The following CNTLN variants were observed in gnomAD, a reference collection of about 807,000 sequenced individuals.
CNTLN encodes centlein, centrosomal protein.
A neutral mutation model predicts 180.0 loss-of-function variants in CNTLN; 212 were observed. That is an observed-to-expected ratio of 1.18 (90% CI 1.05 to 1.32). The LOEUF is 1.32. CNTLN is among the 40% of genes most tolerant of loss of function. CNTLN has a pLI of 0.00. For missense variants in CNTLN, 2,095 were observed against 1,610.9 expected, an observed-to-expected ratio of 1.30 and a Z score of -5.14; for synonymous variants, 722 against 563.1, an observed-to-expected ratio of 1.28 and a Z score of -3.99.
At chr9:17,380,791 T>C (rs1825184750) in intron 13 of CNTLN, among the ~76,000 whole-genome samples, 1 of 152,212 alleles carries the variant, frequency 6.6e-6, no homozygotes, top group African/African-American at 2.4e-5. Context: ...TCATAAACAA[T>C]AGCAAGCATT....
intron 2 of CNTLN, among the ~76,000 whole-genome samples, chr9:17,176,337 A>C (rs1348104055): frequency 6.6e-6 from 1 of 151,998 alleles, no homozygotes; most frequent in Non-Finnish European, 1.5e-5. Flanking sequence ...CTTGTACTGC[A>C]TCACTTGATA....
chr9:17,288,321 A>T (rs1405468131), intron 6 of CNTLN, among the ~76,000 whole-genome samples: 1 of 116,924 alleles, frequency 8.6e-6, no homozygotes, highest in Non-Finnish European at 1.7e-5. Flanking sequence ...AGCGGCTTTG[A>T]GTGAGATTCT....
At chr9:17,525,575 G>A in the CNTLN span, among the ~76,000 whole-genome samples, 2 of 152,064 alleles carry the variant, frequency 1.3e-5, no homozygotes, top group African/African-American at 4.8e-5. Flanking sequence ...AATGATCTAC[G>A]TATGTTTCTG....
intron 2 of CNTLN, among the ~76,000 whole-genome samples, chr9:17,144,291 T>G (rs527517821): frequency 1.3e-5 from 2 of 152,314 alleles, no homozygotes; most frequent in East Asian, 1.9e-4. Context: ...CTCATGTTGC[T>G]TGTACGTCTA....
At chr9:17,368,614 T>C (rs555753659) in intron 13 of CNTLN, among the ~76,000 whole-genome samples, 2 of 152,236 alleles carry the variant, frequency 1.3e-5, no homozygotes, top group South Asian at 2.1e-4. Flanking sequence ...AGGGGTGCAT[T>C]TGTCACTCCA....
intron 12 of CNTLN, among the ~76,000 whole-genome samples, chr9:17,365,412 C>T (rs528943926): frequency 4.6e-5 from 7 of 152,096 alleles, no homozygotes; most frequent in East Asian, 1.9e-4. Flanking sequence ...TTATAAATTA[C>T]GTAGTCTCAG....
At chr9:17,526,698 G>A in the CNTLN span, among the ~76,000 whole-genome samples, 5 of 152,068 alleles carry the variant, frequency 3.3e-5, no homozygotes, top group Admixed American at 6.6e-5. Context: ...CAAGTCATAC[G>A]TATATTCTCT....
intron 7 of CNTLN, among the ~76,000 whole-genome samples, chr9:17,307,064 C>T (rs761679090): frequency 6.6e-6 from 1 of 152,034 alleles, no homozygotes; most frequent in African/African-American, 2.4e-5. Context: ...TCTTTCTTGC[C>T]TCCTAGAATA....
At chr9:17,449,178 T>G (rs540139171) in intron 18 of CNTLN, among the ~76,000 whole-genome samples, 24 of 152,200 alleles carry the variant, frequency 1.6e-4, no homozygotes, top group Non-Finnish European at 3.1e-4. Flanking sequence ...TGGTTCCCAT[T>G]ATCTGTCCCA....
At chr9:17,195,227 G>A (rs910791541) in intron 2 of CNTLN, among the ~76,000 whole-genome samples, 1 of 152,154 alleles carries the variant, frequency 6.6e-6, no homozygotes, top group Non-Finnish European at 1.5e-5. Context: ...TGAGCTCAAG[G>A]AATTGGATTA....
At chr9:17,157,333 T>C (rs1193223689) in intron 2 of CNTLN, among the ~76,000 whole-genome samples, 1 of 152,206 alleles carries the variant, frequency 6.6e-6, no homozygotes, top group Non-Finnish European at 1.5e-5. Flanking sequence ...AGGATTATCC[T>C]TTGCTAATAC....
chr9:17,242,891 A>G (rs940907757), intron 5 of CNTLN, among the ~76,000 whole-genome samples: 4 of 152,100 alleles, frequency 2.6e-5, no homozygotes, highest in Non-Finnish European at 4.4e-5. Flanking sequence ...TCCCTTCTCT[A>G]TTCTTCAGAA....
chr9:17,363,438 C>T (rs1463268805), intron 12 of CNTLN, among the ~76,000 whole-genome samples: 1 of 152,008 alleles, frequency 6.6e-6, no homozygotes, highest in Admixed American at 6.6e-5. Flanking sequence ...GATGGTATCT[C>T]ATTGTAGTTT....
At chr9:17,449,503 G>GA (rs199718372) in intron 18 of CNTLN, among the ~76,000 whole-genome samples, 2,844 of 139,178 alleles carry the variant, frequency 0.02, 81 homozygotes, top group African/African-American at 0.069. Context: ...AATAATAAAA[G>GA]AAAAAAAAAA....
chr9:17,196,619 G>T (rs1210555764), intron 2 of CNTLN, among the ~76,000 whole-genome samples: 1 of 151,198 alleles, frequency 6.6e-6, no homozygotes, highest in Admixed American at 6.6e-5. Context: ...CTGAGTTGTG[G>T]ATTCACTTAA....
chr9:17,451,534 A>T (rs2134116946), intron 18 of CNTLN, among the ~76,000 whole-genome samples: 1 of 152,334 alleles, frequency 6.6e-6, no homozygotes, highest in Admixed American at 6.5e-5. Flanking sequence ...TTTGTCTTTC[A>T]AAATGAGAAA....
chr9:17,147,402 T>G (rs575345946), intron 2 of CNTLN, among the ~76,000 whole-genome samples: 1 of 152,304 alleles, frequency 6.6e-6, no homozygotes, highest in South Asian at 2.1e-4. Context: ...AATGGTTTCT[T>G]AATTAATTGT....
At chr9:17,276,661 G>T (rs1167972863) in intron 6 of CNTLN, among the ~76,000 whole-genome samples, 1 of 151,908 alleles carries the variant, frequency 6.6e-6, no homozygotes, top group Non-Finnish European at 1.5e-5. Context: ...TGGGGGATTG[G>T]TTTCAGGCCT....
At chr9:17,381,763 T>C (rs1825272202) in intron 13 of CNTLN, among the ~76,000 whole-genome samples, 1 of 152,196 alleles carries the variant, frequency 6.6e-6, no homozygotes, top group African/African-American at 2.4e-5. Context: ...GCTGCAGGTC[T>C]GTTGGTTGGC....
Sources: gnomAD v4.1 joint callset for allele counts (sites outside exome capture counted in the v4.1 genomes callset) on GRCh38, gnomAD v4.1.1 for gene constraint, MANE v1.5 for transcripts, NCBI Gene and HGNC (gene_info 2026-07-23, HGNC 2026-07-21) for gene names.